ADAMTS18: variants seen among roughly 807,000 people sequenced by gnomAD.
The protein encoded by ADAMTS18 is A disintegrin and metalloproteinase with thrombospondin motifs 18.
ADAMTS18 carries 157 observed loss-of-function variants against 165.9 expected under a neutral mutation model. The observed-to-expected ratio is 0.95, with a 90% CI of 0.83 to 1.08. The LOEUF (loss-of-function observed/expected upper bound fraction) is 1.08, where lower values mean the gene tolerates loss of function less well. Among genes scored for constraint, ADAMTS18 ranks in the 50% least tolerant of loss-of-function variants. ADAMTS18 has a pLI of 0.00. For synonymous variants in ADAMTS18, 782 were observed against 578.2 expected, an observed-to-expected ratio of 1.35 and a Z score of -5.06; for missense variants, 2,040 against 1,534.0, an observed-to-expected ratio of 1.33 and a Z score of -5.51.
chr16:77,319,034 T>C (rs1057351001), intron 16 of ADAMTS18, among the ~76,000 whole-genome samples: 3 of 152,204 alleles, frequency 2.0e-5, no homozygotes, highest in Admixed American at 6.5e-5. Flanking sequence ...TCCAGATATG[T>C]TGGTTCTTTT....
At chr16:77,295,705 C>T (rs970257978) in intron 18 of ADAMTS18, among the ~76,000 whole-genome samples, 2 of 152,132 alleles carry the variant, frequency 1.3e-5, no homozygotes, top group South Asian at 2.1e-4. Flanking sequence ...GGTACTTCCC[C>T]AAATTACTTT....
chr16:77,382,434 T>A (rs1376776818), intron 3 of ADAMTS18, among the ~76,000 whole-genome samples: 2 of 152,116 alleles, frequency 1.3e-5, no homozygotes, highest in Non-Finnish European at 2.9e-5. Flanking sequence ...ATGGTCTCGA[T>A]CTCCTGACCT....
At position 77,282,730 on chromosome 16, in the gene ADAMTS18, TG is replaced by T. The variant is rs1233521621; in HGVS notation, c.*1225del. 2 of 152,608 alleles carry T rather than the reference TG, an allele frequency of 1.3e-5. No homozygotes were observed. The highest frequency in any genetic ancestry group is 1.3e-4 in the Admixed American group (2 of 15,270). The allele number at this position is 152,608 out of a possible 1,614,324, so 9.5% of individuals were successfully genotyped here. On this transcript the variant is annotated 3_prime_UTR_variant, in exon 23 of 23. Transcript: ENST00000282849. ...CTTTGGTTTTGGCAAAATAGTGTGA[TG>T]TTTTTTCAATTGAGAACAATTTTAA...
In ADAMTS18 at chr16:77,320,857, A is replaced by C. The variant is rs574889684; in HGVS notation, c.2287+222T>G. 2.6e-5 allele frequency among the ~76,000 whole-genome samples: 4 copies of C among 152,356 alleles called. No individual in the cohort carries two copies. In the South Asian group the frequency reaches 8.3e-4, roughly 32 times the overall value. ...ATGGGGCCTGGTCGGCATACTAAAA[A>C]TGCAAAGCAGAAAGGCATTTATTTG... On this transcript the variant is annotated intron_variant, in intron 15 of 22. Transcript: ENST00000282849.
chr16:77,375,613 G>A lies in ADAMTS18; in HGVS notation c.496-7890C>T, dbSNP rs574312133. Among the ~76,000 whole-genome samples the A allele has an allele frequency of 1.7e-3, 256 of 152,308 alleles. 1 individual carries two copies. Among genetic ancestry groups the A allele is most frequent in the Middle Eastern group, 3.4e-3 (1 of 294 alleles). On this transcript the variant is annotated intron_variant, in intron 3 of 22. Transcript: ENST00000282849. ...AGGAGCGGAAGGGGTGGTGAGAACA[G>A]GAAGAAAGCAGAGACCAAGTGGCCT...
chr16:77,361,021 G>A (rs756758675), intron 7 of ADAMTS18, among the ~76,000 whole-genome samples: 28 of 152,132 alleles, frequency 1.8e-4, no homozygotes, highest in Non-Finnish European at 3.7e-4. Flanking sequence ...GGGAGGCAGA[G>A]GTTGCAGTGA....
At position 77,325,876 on chromosome 16, in the gene ADAMTS18, T is replaced by C; in HGVS notation, c.2022A>G (p.Thr674=). ...RGWFYQWKPY[T]KVEEEDRCKL... ...TAGAGACCAAATTACCTTCCACTTT[T>C]GTATAGGGTTTCCACTGGTAGAACC... Residue 674 remains threonine (T), a synonymous_variant, in exon 13 of 23, where the codon ACA becomes ACG. Transcript: ENST00000282849. 2 of 1,613,788 alleles carry C rather than the reference T, an allele frequency of 1.2e-6. No individual in the cohort carries two copies. The highest frequency in any genetic ancestry group is 1.7e-6 in the Non-Finnish European group (2 of 1,179,820).
At chr16:77,427,483 TA>T (rs1182533347) in intron 3 of ADAMTS18, among the ~76,000 whole-genome samples, 1 of 152,184 alleles carries the variant, frequency 6.6e-6, no homozygotes, top group African/African-American at 2.4e-5. Flanking sequence ...AGGCTGGATA[TA>T]GTAGAAAGGA....
intron 3 of ADAMTS18, among the ~76,000 whole-genome samples, chr16:77,424,993 C>T (rs1337750747): frequency 6.6e-6 from 1 of 152,176 alleles, no homozygotes. Context: ...TTTGTAAAGA[C>T]TGTTTGGCAG....
chr16:77,340,419 C>G (rs1024819237), intron 11 of ADAMTS18, among the ~76,000 whole-genome samples: 3 of 152,160 alleles, frequency 2.0e-5, no homozygotes, highest in Non-Finnish European at 1.5e-5. Flanking sequence ...AAGGGATCCA[C>G]CCACCTTGGC....
chr16:77,357,233 T>C (rs2056645145), intron 8 of ADAMTS18, among the ~76,000 whole-genome samples: 1 of 151,852 alleles, frequency 6.6e-6, no homozygotes, highest in African/African-American at 2.4e-5. Flanking sequence ...AAGATATGAC[T>C]TTTTTTGTGA....
At chr16:77,306,382 T>A (rs2055682119) in intron 16 of ADAMTS18, among the ~76,000 whole-genome samples, 1 of 152,178 alleles carries the variant, frequency 6.6e-6, no homozygotes, top group Non-Finnish European at 1.5e-5. Context: ...CCAACAACTC[T>A]CTGAAGGAAG....
chr16:77,287,714 C>T (rs573704610), intron 22 of ADAMTS18, among the ~76,000 whole-genome samples: 73 of 152,174 alleles, frequency 4.8e-4, no homozygotes, highest in African/African-American at 1.7e-3. Context: ...TCAGGTGATC[C>T]ACCCGCCTCA....
chr16:77,407,839 T>C (rs985860345), intron 3 of ADAMTS18, among the ~76,000 whole-genome samples: 1 of 152,064 alleles, frequency 6.6e-6, no homozygotes, highest in African/African-American at 2.4e-5. Flanking sequence ...CTTATAGAAT[T>C]TTACATTGGA....
intron 3 of ADAMTS18, among the ~76,000 whole-genome samples, chr16:77,393,149 G>A (rs1567536723): frequency 6.6e-6 from 1 of 152,204 alleles, no homozygotes; most frequent in Non-Finnish European, 1.5e-5. Context: ...CCATGGAGGT[G>A]AAAACAGATG....
Position 77,283,888 on chromosome 16 carries a change from G to C in ADAMTS18, c.*68C>G. ...TCGGTGCTCAGCTCCTGGTCTCAAA[G>C]GCAGCTGGTCTCTCTAGAGGTTGAA... On this transcript the variant is annotated 3_prime_UTR_variant, in exon 23 of 23. Coordinates refer to ENST00000282849, the MANE Select transcript of ADAMTS18 (RefSeq NM_199355.4). 1 of 1,240,078 alleles carries C rather than the reference G, an allele frequency of 8.1e-7. No individual in the cohort carries two copies. Among genetic ancestry groups the C allele is most frequent in the South Asian group, 1.2e-5 (1 of 83,056 alleles). The allele number at this position is 1,240,078 out of a possible 1,614,324, so 76.8% of individuals were successfully genotyped here.
chr16:77,397,012 T>A (rs1215809014), intron 3 of ADAMTS18, among the ~76,000 whole-genome samples: 2 of 152,124 alleles, frequency 1.3e-5, no homozygotes, highest in African/African-American at 4.8e-5. Flanking sequence ...TTTCACCATG[T>A]TGGCCAGGCT....
chr16:77,386,175 C>G (rs1370878732), intron 3 of ADAMTS18, among the ~76,000 whole-genome samples: 1 of 152,262 alleles, frequency 6.6e-6, no homozygotes, highest in East Asian at 1.9e-4. Flanking sequence ...TGGACAGCCT[C>G]GTGTACACTC....
chr16:77,345,343 G>A (rs1415062997), intron 10 of ADAMTS18, among the ~76,000 whole-genome samples: 1 of 152,048 alleles, frequency 6.6e-6, no homozygotes, highest in East Asian at 1.9e-4. Flanking sequence ...TATTCCCATT[G>A]GTTCTGGTAA....
Sources: allele counts gnomAD v4.1 joint callset (sites outside exome capture counted in the v4.1 genomes callset), GRCh38; gene constraint gnomAD v4.1.1; transcripts MANE v1.5; gene names NCBI Gene and HGNC (gene_info 2026-07-23, HGNC 2026-07-21).